LRMDA: variants seen among roughly 807,000 people sequenced by gnomAD.
LRMDA encodes leucine-rich melanocyte differentiation-associated protein.
LRMDA carries 18 observed loss-of-function variants against 29.8 expected under a neutral mutation model. That is an observed-to-expected ratio of 0.60 (90% CI 0.42 to 0.90). The LOEUF (loss-of-function observed/expected upper bound fraction) is 0.90. Ranked by LOEUF, LRMDA falls within the 40% of genes least tolerant of loss-of-function variation. The probability of loss-of-function intolerance (pLI) is 0.00; values close to 1 mark genes in which losing one functional copy is unlikely to be tolerated. For missense variants in LRMDA, 273 were observed against 273.9 expected (o/e 1.00, Z 0.02); for synonymous variants, 125 against 109.4 (o/e 1.14, Z -0.89).
chr10:75,711,686 A>C (rs1842437940), intron 2 of LRMDA, among the ~76,000 whole-genome samples: 1 of 152,186 alleles, frequency 6.6e-6, no homozygotes. Context: ...AAATTCAGAA[A>C]AGAAATATTT....
At chr10:75,670,404 A>G (rs1193075533) in intron 2 of LRMDA, among the ~76,000 whole-genome samples, 1 of 152,166 alleles carries the variant, frequency 6.6e-6, no homozygotes, top group African/African-American at 2.4e-5. Context: ...TAAATACTCT[A>G]AAAGTAAATA....
intron 2 of LRMDA, among the ~76,000 whole-genome samples, chr10:75,655,584 C>T (rs991101259): frequency 8.5e-5 from 13 of 152,162 alleles, no homozygotes; most frequent in Non-Finnish European, 1.6e-4. Flanking sequence ...TGGGTGGGTT[C>T]AGGCATGGAG....
intron 2 of LRMDA, among the ~76,000 whole-genome samples, chr10:75,691,983 A>G (rs1021851799): frequency 6.6e-6 from 1 of 152,004 alleles, no homozygotes; most frequent in Non-Finnish European, 1.5e-5. Context: ...CAGGAAGACC[A>G]TTTGAGGCCA....
intron 5 of LRMDA, among the ~76,000 whole-genome samples, chr10:76,147,286 A>G (rs1225838287): frequency 6.6e-6 from 1 of 152,126 alleles, no homozygotes; most frequent in Non-Finnish European, 1.5e-5. Flanking sequence ...GTGTTTTCCA[A>G]CTTGGTTCCA....
intron 6 of LRMDA, among the ~76,000 whole-genome samples, chr10:76,461,887 C>T (rs570053734): frequency 6.6e-6 from 1 of 151,876 alleles, no homozygotes; most frequent in African/African-American, 2.4e-5. Flanking sequence ...CTAGCCTGGG[C>T]AACATAGAGA....
intron 5 of LRMDA, among the ~76,000 whole-genome samples, chr10:76,144,161 AC>A (rs1251000867): frequency 1.3e-5 from 2 of 152,078 alleles, no homozygotes; most frequent in African/African-American, 2.4e-5. Context: ...CTTAGGATTG[AC>A]TTGGCGATGC....
chr10:75,725,417 G>T (rs1005565117), intron 2 of LRMDA, among the ~76,000 whole-genome samples: 1 of 152,324 alleles, frequency 6.6e-6, no homozygotes, highest in Middle Eastern at 3.4e-3. Context: ...CCTTTAAAAG[G>T]TCTCATACCT....
intron 2 of LRMDA, among the ~76,000 whole-genome samples, chr10:75,674,059 G>C (rs749328303): frequency 6.6e-6 from 1 of 152,200 alleles, no homozygotes; most frequent in Non-Finnish European, 1.5e-5. Context: ...TTGTATTCCA[G>C]CTTGCTGTCT....
chr10:76,055,063 C>CAAAAAAAAAAAAAAAA (rs531729040), intron 4 of LRMDA, among the ~76,000 whole-genome samples: 82 of 45,908 alleles, frequency 1.8e-3, no homozygotes, highest in Non-Finnish European at 1.8e-3. Context: ...GACTCCATCT[C>CAAAAAAAAAAAAAAAA]AAAAAAAAAA....
chr10:76,059,139 C>T (rs1390769649), intron 5 of LRMDA, among the ~76,000 whole-genome samples: 1 of 152,018 alleles, frequency 6.6e-6, no homozygotes, highest in African/African-American at 2.4e-5. Context: ...GGGGATTCTT[C>T]TAGTACTTCA....
At chr10:75,841,422 G>A (rs1228151695) in intron 2 of LRMDA, among the ~76,000 whole-genome samples, 1 of 152,210 alleles carries the variant, frequency 6.6e-6, no homozygotes. Flanking sequence ...CCAGTCCTGG[G>A]AGCCTGAGTC....
chr10:75,816,165 T>A (rs1589216444), intron 2 of LRMDA, among the ~76,000 whole-genome samples: 2 of 152,352 alleles, frequency 1.3e-5, no homozygotes, highest in South Asian at 4.1e-4. Context: ...TACTTTTAGG[T>A]CTTGAAAGTT....
intron 6 of LRMDA, among the ~76,000 whole-genome samples, chr10:76,487,893 G>T (rs758006858): frequency 6.6e-6 from 1 of 151,788 alleles, no homozygotes; most frequent in African/African-American, 2.4e-5. Flanking sequence ...ATGGCAATTT[G>T]ACCTCTCTAG....
chr10:76,487,307 A>G (rs1312469664), intron 6 of LRMDA, among the ~76,000 whole-genome samples: 1 of 151,936 alleles, frequency 6.6e-6, no homozygotes, highest in Non-Finnish European at 1.5e-5. Context: ...AGATGATTAT[A>G]TTATTGTATG....
At chr10:75,545,399 C>T (rs1840067638) in intron 2 of LRMDA, among the ~76,000 whole-genome samples, 1 of 152,142 alleles carries the variant, frequency 6.6e-6, no homozygotes, top group South Asian at 2.1e-4. Context: ...TTTAGACACA[C>T]ACTTGGATCA....
At chr10:75,654,310 G>C (rs1192483796) in intron 2 of LRMDA, among the ~76,000 whole-genome samples, 1 of 152,116 alleles carries the variant, frequency 6.6e-6, no homozygotes, top group African/African-American at 2.4e-5. Flanking sequence ...TCTTTACAAG[G>C]TTGTCTTAGA....
At chr10:76,101,722 T>C (rs188497036) in intron 5 of LRMDA, among the ~76,000 whole-genome samples, 1 of 146,222 alleles carries the variant, frequency 6.8e-6, no homozygotes, top group Non-Finnish European at 1.5e-5. Flanking sequence ...GGCAACGAGA[T>C]TGAGACTCTG....
chr10:75,929,029 A>G (rs1301835824), intron 2 of LRMDA, among the ~76,000 whole-genome samples: 4 of 152,216 alleles, frequency 2.6e-5, no homozygotes, highest in East Asian at 3.8e-4. Flanking sequence ...AAGGAACCCT[A>G]CAATTCTCAC....
chr10:75,806,181 G>A (rs537328920), intron 2 of LRMDA, among the ~76,000 whole-genome samples: 1 of 152,258 alleles, frequency 6.6e-6, no homozygotes, highest in East Asian at 1.9e-4. Flanking sequence ...TAAGCTGTGA[G>A]GGATCCACGC....
Sources: allele counts gnomAD v4.1 joint callset (sites outside exome capture counted in the v4.1 genomes callset), GRCh38; gene constraint gnomAD v4.1.1; transcripts MANE v1.5; gene names NCBI Gene and HGNC (gene_info 2026-07-23, HGNC 2026-07-21).